Variants in QTMAN observed in about 807,000 individuals in gnomAD.
QTMAN encodes the protein queuosine-tRNA mannosyltransferase.
chr2:144,002,090 T>C, the QTMAN span, among the ~76,000 whole-genome samples: 2 of 151,958 alleles, frequency 1.3e-5, no homozygotes, highest in Non-Finnish European at 2.9e-5. Flanking sequence ...AGAACAATGG[T>C]GAATAAAGCT....
chr2:144,216,502 T>A, the QTMAN span, among the ~76,000 whole-genome samples: 1 of 152,304 alleles, frequency 6.6e-6, no homozygotes, highest in East Asian at 1.9e-4. Flanking sequence ...CAGCAACAAG[T>A]GTCAGACAGC....
At chr2:144,166,737 TAAAGTC>T in the QTMAN span, among the ~76,000 whole-genome samples, 3 of 152,352 alleles carry the variant, frequency 2.0e-5, no homozygotes, top group Admixed American at 6.5e-5. Context: ...TTATTCATGT[TAAAGTC>T]AAACTGTTGA....
chr2:144,271,105 T>G, the QTMAN span, among the ~76,000 whole-genome samples: 1 of 152,220 alleles, frequency 6.6e-6, no homozygotes, highest in Non-Finnish European at 1.5e-5. Context: ...AAAACAAAAC[T>G]ACATAAATGT....
chr2:144,167,072 TTTG>T, the QTMAN span, among the ~76,000 whole-genome samples: 1 of 152,354 alleles, frequency 6.6e-6, no homozygotes, highest in East Asian at 1.9e-4. Flanking sequence ...TAGCATTCCC[TTTG>T]TGTTAAAGTA....
the QTMAN span, among the ~76,000 whole-genome samples, chr2:144,144,378 T>G: frequency 6.6e-6 from 1 of 151,788 alleles, no homozygotes; most frequent in Admixed American, 6.6e-5. Flanking sequence ...AAGGAAAAAA[T>G]AGACTTAGTT....
At chr2:144,241,935 A>G in the QTMAN span, among the ~76,000 whole-genome samples, 1 of 152,196 alleles carries the variant, frequency 6.6e-6, no homozygotes, top group Non-Finnish European at 1.5e-5. Flanking sequence ...AAACATAGGG[A>G]CACATATGAT....
At chr2:143,963,331 C>T in the QTMAN span, among the ~76,000 whole-genome samples, 5 of 152,152 alleles carry the variant, frequency 3.3e-5, no homozygotes, top group African/African-American at 1.2e-4. Flanking sequence ...ATCATATAAA[C>T]ATTTATTTTA....
chr2:144,003,089 G>A, the QTMAN span, among the ~76,000 whole-genome samples: 4,739 of 151,818 alleles, frequency 0.031, 246 homozygotes, highest in African/African-American at 0.11. Flanking sequence ...TTGGTTCTTT[G>A]TTATTTTAAA....
chr2:144,120,998 A>G, the QTMAN span, among the ~76,000 whole-genome samples: 6 of 152,180 alleles, frequency 3.9e-5, no homozygotes, highest in East Asian at 3.9e-4. Context: ...ATTGAAGACC[A>G]TATTTTCTTT....
chr2:144,007,205 T>G, the QTMAN span: 3 of 1,603,170 alleles, frequency 1.9e-6, no homozygotes, highest in Non-Finnish European at 2.6e-6. Context: ...AGACAATGTG[T>G]AGCAGTCTTT....
At chr2:144,302,449 T>C in the QTMAN span, among the ~76,000 whole-genome samples, 1 of 152,154 alleles carries the variant, frequency 6.6e-6, no homozygotes, top group African/African-American at 2.4e-5. Context: ...ATCTGTTCCC[T>C]AACTTAGAAT....
the QTMAN span, among the ~76,000 whole-genome samples, chr2:143,977,532 G>T: frequency 3.3e-5 from 5 of 152,084 alleles, no homozygotes; most frequent in Non-Finnish European, 7.4e-5. Flanking sequence ...GACAGTACTG[G>T]AAAGAGCCTC....
the QTMAN span, among the ~76,000 whole-genome samples, chr2:144,062,261 T>C: frequency 6.6e-6 from 1 of 152,108 alleles, no homozygotes; most frequent in Non-Finnish European, 1.5e-5. Flanking sequence ...GTGCTCCCCT[T>C]CCCGTAAGGC....
chr2:144,172,437 A>G, the QTMAN span, among the ~76,000 whole-genome samples: 2 of 151,962 alleles, frequency 1.3e-5, no homozygotes, highest in Non-Finnish European at 2.9e-5. Context: ...CCTGGCCAAC[A>G]TGGCAAAACC....
the QTMAN span, among the ~76,000 whole-genome samples, chr2:144,001,419 C>T: frequency 1.3e-5 from 2 of 151,884 alleles, no homozygotes; most frequent in African/African-American, 4.8e-5. Flanking sequence ...TGAATTCACA[C>T]TCTTTATATC....
At chr2:144,159,515 G>A in the QTMAN span, among the ~76,000 whole-genome samples, 1 of 152,008 alleles carries the variant, frequency 6.6e-6, no homozygotes, top group East Asian at 1.9e-4. Context: ...CAGTGATCAA[G>A]TTCAACTAAA....
chr2:144,093,224 G>A, the QTMAN span, among the ~76,000 whole-genome samples: 22 of 152,228 alleles, frequency 1.4e-4, no homozygotes, highest in South Asian at 4.6e-3. Context: ...CTAAGATGAA[G>A]GAATAATGCA....
chr2:144,280,044 C>T, the QTMAN span, among the ~76,000 whole-genome samples: 1 of 152,140 alleles, frequency 6.6e-6, no homozygotes, highest in African/African-American at 2.4e-5. Flanking sequence ...TGGTACAAAA[C>T]CTTACTTTTT....
chr2:144,043,635 A>AG, the QTMAN span, among the ~76,000 whole-genome samples: 1 of 151,250 alleles, frequency 6.6e-6, no homozygotes, highest in African/African-American at 2.4e-5. Flanking sequence ...TCCGTCGCAA[A>AG]AAAAAAAAAA....
Sources: gnomAD v4.1 joint callset for allele counts (sites outside exome capture counted in the v4.1 genomes callset) on GRCh38, gnomAD v4.1.1 for gene constraint, MANE v1.5 for transcripts, NCBI Gene and HGNC (gene_info 2026-07-23, HGNC 2026-07-21) for gene names.